The following FSTL5 variants were observed in gnomAD, a reference collection of about 807,000 sequenced individuals.
The protein encoded by FSTL5 is follistatin like 5, also known as follistatin-related protein 5.
Under a neutral mutation model 89.1 loss-of-function variants are expected in FSTL5, and 62 were observed. That is an observed-to-expected ratio of 0.70 (90% CI 0.57 to 0.86). FSTL5 has a LOEUF of 0.86. FSTL5 is among the 40% of genes least tolerant of loss of function. The pLI is 0.00. For synonymous variants in FSTL5, 383 were observed against 346.2 expected (o/e 1.11, Z -1.18); for missense variants, 1,057 against 1,001.6 (o/e 1.06, Z -0.75).
chr4:161,929,687 G>GTGTGTGTGTA, intron 3 of FSTL5, among the ~76,000 whole-genome samples: 1 of 116,610 alleles, frequency 8.6e-6, no homozygotes, highest in African/African-American at 2.8e-5. Flanking sequence ...GTGTGTGTGT[G>GTGTGTGTGTA]TGTGTGTGTG....
intron 2 of FSTL5, among the ~76,000 whole-genome samples, chr4:162,057,249 C>T (rs1560995506): frequency 6.6e-6 from 1 of 152,108 alleles, no homozygotes; most frequent in South Asian, 2.1e-4. Context: ...TAAAAGCTTT[C>T]CCTCTGCTCA....
At chr4:162,163,155 T>G (rs182176235) in intron 1 of FSTL5, among the ~76,000 whole-genome samples, 85 of 152,220 alleles carry the variant, frequency 5.6e-4, no homozygotes, top group Admixed American at 1.7e-3. Context: ...GCTTTAGATA[T>G]AGGAATAATA....
chr4:162,158,889 C>A (rs900791973), intron 1 of FSTL5, among the ~76,000 whole-genome samples: 2 of 151,882 alleles, frequency 1.3e-5, no homozygotes, highest in Non-Finnish European at 2.9e-5. Context: ...CAAATGATAC[C>A]AATAGACACT....
chr4:161,915,597 CAT>C (rs1733816458), intron 4 of FSTL5, among the ~76,000 whole-genome samples: 1 of 152,088 alleles, frequency 6.6e-6, no homozygotes, highest in African/African-American at 2.4e-5. Context: ...ATGTACCAAA[CAT>C]AAGGGATTAA....
chr4:162,094,154 C>T (rs996567089), intron 2 of FSTL5, among the ~76,000 whole-genome samples: 4 of 151,906 alleles, frequency 2.6e-5, no homozygotes, highest in Admixed American at 6.6e-5. Context: ...TTTGGGAGGC[C>T]GAGGGAGGCA....
chr4:161,834,805 T>A (rs1466394415), intron 4 of FSTL5, among the ~76,000 whole-genome samples: 1 of 151,914 alleles, frequency 6.6e-6, no homozygotes, highest in Non-Finnish European at 1.5e-5. Context: ...TACAAGAGGA[T>A]ACAAACAAAT....
intron 13 of FSTL5, among the ~76,000 whole-genome samples, chr4:161,466,813 G>A (rs888231139): frequency 6.6e-6 from 1 of 152,168 alleles, no homozygotes. Flanking sequence ...AGATAAAAAT[G>A]ATACTGATGT....
At chr4:161,910,241 G>A (rs552295770) in intron 4 of FSTL5, among the ~76,000 whole-genome samples, 30 of 152,020 alleles carry the variant, frequency 2.0e-4, no homozygotes, top group East Asian at 9.7e-4. Context: ...CATGACCTCC[G>A]AAGGTTGAAG....
chr4:161,889,809 G>C (rs1261904420), intron 4 of FSTL5, among the ~76,000 whole-genome samples: 6 of 152,032 alleles, frequency 3.9e-5, no homozygotes, highest in Non-Finnish European at 2.9e-5. Flanking sequence ...AAGAATACAG[G>C]CCATCTTTAT....
intron 3 of FSTL5, among the ~76,000 whole-genome samples, chr4:162,011,742 C>T (rs768091559): frequency 2.1e-4 from 32 of 152,262 alleles, no homozygotes; most frequent in Non-Finnish European, 4.1e-4. Context: ...GGTGATCTGC[C>T]TGCCTCGGCC....
At chr4:162,111,537 C>A in intron 1 of FSTL5, 125 bp from the exon 2 acceptor site, 2 of 635,834 alleles carry the variant, frequency 3.1e-6, no homozygotes, top group East Asian at 5.9e-5. Context: ...TGGTAGTTGC[C>A]AAGGGAAATG....
intron 1 of FSTL5, among the ~76,000 whole-genome samples, chr4:162,152,095 GAAAC>G (rs1429823448): frequency 9.2e-5 from 14 of 152,138 alleles, no homozygotes; most frequent in African/African-American, 2.7e-4. Flanking sequence ...CACAGACAGG[GAAAC>G]AAACAGAATG....
chr4:161,612,159 T>C (rs987353504), intron 7 of FSTL5, among the ~76,000 whole-genome samples: 15 of 152,226 alleles, frequency 9.9e-5, no homozygotes, highest in African/African-American at 3.6e-4. Flanking sequence ...GTGAAGAAAA[T>C]AGTCATTCAA....
At chr4:161,985,244 A>C (rs1735931490) in intron 3 of FSTL5, among the ~76,000 whole-genome samples, 1 of 152,142 alleles carries the variant, frequency 6.6e-6, no homozygotes, top group Non-Finnish European at 1.5e-5. Flanking sequence ...TCTCATTATA[A>C]AATTAAAAAA....
At chr4:161,852,764 T>C (rs748335547) in intron 4 of FSTL5, among the ~76,000 whole-genome samples, 6 of 152,236 alleles carry the variant, frequency 3.9e-5, no homozygotes, top group Non-Finnish European at 5.9e-5. Context: ...ATATACACCA[T>C]GGAATACTAT....
intron 8 of FSTL5, among the ~76,000 whole-genome samples, chr4:161,572,007 T>C (rs1733032429): frequency 6.6e-6 from 1 of 152,086 alleles, no homozygotes; most frequent in Admixed American, 6.5e-5. Flanking sequence ...AGCTCTCTTG[T>C]AGTAGAATGC....
In FSTL5 at chr4:161,916,566, C is replaced by T. The variant is rs113087802; in HGVS notation, c.409+3838G>A. ...TTGAGCATCATCACAAAGTATCTGA[C>T]GCCAATAAACAAATGCTACAATATT... On this transcript the variant is annotated intron_variant, in intron 4 of 15. Coordinates refer to ENST00000306100, the MANE Select transcript of FSTL5 (RefSeq NM_020116.5). Among the ~76,000 whole-genome samples, 558 of 152,136 alleles carry T rather than the reference C, an allele frequency of 3.7e-3. 3 individuals are homozygous for T. The highest frequency in any genetic ancestry group is 4.9e-3 in the Non-Finnish European group (335 of 68,010).
At chr4:161,585,587 T>TAAAAAAAAAA (rs34372995) in intron 8 of FSTL5, among the ~76,000 whole-genome samples, 1 of 102,676 alleles carries the variant, frequency 9.7e-6, no homozygotes, top group African/African-American at 3.5e-5. Flanking sequence ...TCCCTAATGC[T>TAAAAAAAAAA]AAAAAAAAAA....
At chr4:161,523,871 A>C (rs932584217) in intron 10 of FSTL5, among the ~76,000 whole-genome samples, 1 of 152,192 alleles carries the variant, frequency 6.6e-6, no homozygotes, top group Non-Finnish European at 1.5e-5. Context: ...TCCAGGATAA[A>C]AACTAAATAA....
Sources: gnomAD v4.1 joint callset for allele counts (sites outside exome capture counted in the v4.1 genomes callset) on GRCh38, gnomAD v4.1.1 for gene constraint, MANE v1.5 for transcripts, NCBI Gene and HGNC (gene_info 2026-07-23, HGNC 2026-07-21) for gene names.